Variants in GOSR2 observed in about 807,000 individuals in gnomAD.
GOSR2 encodes the protein golgi SNAP receptor complex member 2.
Under a neutral mutation model 27.9 loss-of-function variants are expected in GOSR2, and 20 were observed. The observed-to-expected ratio is 0.72, with a 90% CI of 0.50 to 1.04. GOSR2 has a LOEUF of 1.04. GOSR2 is among the 50% of genes least tolerant of loss of function. The pLI is 0.00. For missense variants in GOSR2, 261 were observed against 270.5 expected (o/e 0.97, Z 0.25); for synonymous variants, 91 against 98.8 (o/e 0.92, Z 0.47).
intron 6 of GOSR2, among the ~76,000 whole-genome samples, chr17:46,960,693 C>T (rs73985116): frequency 0.015 from 2,247 of 152,184 alleles, 57 homozygotes; most frequent in African/African-American, 0.051. Flanking sequence ...GAAAAAGGAA[C>T]GAACTACTGA....
chr17:46,972,011 C>G (rs1238709178), intron 6 of GOSR2, among the ~76,000 whole-genome samples: 1 of 152,168 alleles, frequency 6.6e-6, no homozygotes, highest in Non-Finnish European at 1.5e-5. Flanking sequence ...GCACAGGGCA[C>G]GTGGGGGAGA....
chr17:46,946,393 G>A (rs1357140176), downstream of GOSR2, among the ~76,000 whole-genome samples: 2 of 150,390 alleles, frequency 1.3e-5, no homozygotes, highest in East Asian at 2.0e-4. Context: ...CCTGGGAGGC[G>A]GAGGTTGCAG....
At chr17:46,971,017 C>CT (rs776991082), downstream of GOSR2, among the ~76,000 whole-genome samples, 310 of 152,098 alleles carry the variant, frequency 2.0e-3, 1 homozygote, top group Non-Finnish European at 3.0e-3. Flanking sequence ...CAACATTTTT[C>CT]TTTTTTTTGT....
In GOSR2 at chr17:46,923,679, A is replaced by G. The variant is rs1044273212; in HGVS notation, c.29+458A>G. 1.6e-5 allele frequency: 13 copies of G among 838,236 alleles called. No individual in the cohort carries two copies. In the African/African-American group the frequency reaches 2.1e-4, roughly 14 times the overall value. The allele number at this position is 838,236 out of a possible 1,614,324, so 51.9% of individuals were successfully genotyped here. Reference sequence around the variant, plus strand: ...TATTCTTATTCGATTTATACTAAAGACCACATTTTTATGGTACAAAGAAAT... The same window carrying G: ...TATTCTTATTCGATTTATACTAAAGGCCACATTTTTATGGTACAAAGAAAT... On this transcript the variant is annotated intron_variant, in intron 1 of 5. Coordinates refer to ENST00000640051, the MANE Select transcript of GOSR2 (RefSeq NM_004287.5).
chr17:46,944,091 A>G (rs1363607710), downstream of GOSR2, among the ~76,000 whole-genome samples: 2 of 152,308 alleles, frequency 1.3e-5, no homozygotes, highest in South Asian at 2.1e-4. Context: ...AGGCTGGGCC[A>G]GGCCCAGGAG....
At chr17:46,936,054 C>T (rs1469127023) in intron 5 of GOSR2, 14 of 985,714 alleles carry the variant, frequency 1.4e-5, no homozygotes, top group Non-Finnish European at 1.7e-5. Flanking sequence ...CCTGCCATCT[C>T]TACGGGGGAG....
chr17:46,946,616 A>G (rs1041475524), downstream of GOSR2, among the ~76,000 whole-genome samples: 2 of 152,108 alleles, frequency 1.3e-5, no homozygotes, highest in African/African-American at 4.8e-5. Flanking sequence ...TAATCCCAGC[A>G]CTTTGGGAGG....
downstream of GOSR2, among the ~76,000 whole-genome samples, chr17:46,943,252 A>G (rs2089503940): frequency 6.6e-6 from 1 of 152,172 alleles, no homozygotes; most frequent in Non-Finnish European, 1.5e-5. Context: ...AGAAGGAGCC[A>G]GATCCCTTGT....
intron 4 of GOSR2, chr17:46,933,510 A>G (rs1285765461): frequency 2.0e-5 from 3 of 152,238 alleles, no homozygotes; most frequent in Admixed American, 1.3e-4. Flanking sequence ...AGTAAAGCAC[A>G]TGATGAAATT....
At chr17:46,955,827 C>G (rs1443262920) in intron 6 of GOSR2, 2 of 152,238 alleles carry the variant, frequency 1.3e-5, no homozygotes, top group Non-Finnish European at 2.9e-5. Flanking sequence ...TGTCTCATCT[C>G]TCTCACCCCA....
At chr17:46,925,832 A>C (rs924617853) in intron 1 of GOSR2, among the ~76,000 whole-genome samples, 1 of 152,206 alleles carries the variant, frequency 6.6e-6, no homozygotes, top group Non-Finnish European at 1.5e-5. Context: ...TCCTGAACCT[A>C]CCTGAACAAT....
intron 6 of GOSR2, among the ~76,000 whole-genome samples, chr17:46,949,716 T>C (rs1341206146): frequency 6.6e-6 from 1 of 152,214 alleles, no homozygotes; most frequent in East Asian, 1.9e-4. Flanking sequence ...CCTGGAACCC[T>C]GGAGGAGGCT....
intron 5 of GOSR2, 124 bp downstream of exon 5, chr17:46,935,293 G>T: frequency 6.4e-7 from 1 of 1,569,366 alleles, no homozygotes; most frequent in South Asian, 1.2e-5. Context: ...ACAAGACAGA[G>T]CCCTTGAGTT....
Position 46,974,375 on chromosome 17 carries a change from C to T in GOSR2, c.616-824C>T, listed in dbSNP as rs1013050361. 9.2e-5 allele frequency among the ~76,000 whole-genome samples: 14 copies of T among 152,344 alleles called. No homozygotes were observed. The East Asian group carries it at 2.7e-3, about 29-fold the overall frequency. On this transcript the variant is annotated intron_variant, in intron 6 of 6. Coordinates refer to the GOSR2 transcript ENST00000640723. ...AGATCAGTAAACAGAATCTTAATTT[C>T]CTCTCCTATAAACAGGAAATTAGAG...
At chr17:46,962,019 G>A (rs1232640943) in intron 6 of GOSR2, among the ~76,000 whole-genome samples, 1 of 152,130 alleles carries the variant, frequency 6.6e-6, no homozygotes, top group Non-Finnish European at 1.5e-5. Flanking sequence ...AGGGAGTGGG[G>A]CATAGTTGGA....
chr17:46,974,724 A>ACT (rs1317708998), intron 6 of GOSR2, among the ~76,000 whole-genome samples: 2 of 109,026 alleles, frequency 1.8e-5, no homozygotes, highest in African/African-American at 3.3e-5. Context: ...ACAGAGCAAG[A>ACT]CTCTCTCTCA....
chr17:46,940,924 A>C lies in GOSR2; in HGVS notation c.*2164A>C. ...CATCTGCTTTCAGTGCCTGGTGAAA[A>C]ATAGACCTTGGCCTAACAGTGTGAC... On this transcript the variant is annotated 3_prime_UTR_variant, in exon 6 of 6. Transcript: ENST00000640051. 1.5e-6 allele frequency: 2 copies of C among 1,314,558 alleles called. No homozygotes were observed. Among genetic ancestry groups the C allele is most frequent in the South Asian group, 3.1e-5 (2 of 65,130 alleles). 81.4% of individuals were successfully genotyped at this position (1,314,558 alleles called of 1,614,324 possible).
At chr17:46,975,021 G>A (rs1269722357) in intron 6 of GOSR2, among the ~76,000 whole-genome samples, 5 of 128,134 alleles carry the variant, frequency 3.9e-5, no homozygotes, top group Non-Finnish European at 8.0e-5. Context: ...TTTATGTCCA[G>A]GGAATCCATT....
intron 6 of GOSR2, among the ~76,000 whole-genome samples, chr17:46,959,456 G>GT (rs1191888850): frequency 6.6e-6 from 1 of 152,084 alleles, no homozygotes; most frequent in Non-Finnish European, 1.5e-5. Flanking sequence ...AGAAAGGAGA[G>GT]TTTTTTCATC....
Sources: gnomAD v4.1 joint callset for allele counts (sites outside exome capture counted in the v4.1 genomes callset) on GRCh38, gnomAD v4.1.1 for gene constraint, MANE v1.5 for transcripts, NCBI Gene and HGNC (gene_info 2026-07-23, HGNC 2026-07-21) for gene names.